The following LRRTM4 variants were observed in gnomAD, a reference collection of about 807,000 sequenced individuals.
LRRTM4 encodes leucine-rich repeat transmembrane neuronal protein 4.
LRRTM4 carries 25 observed loss-of-function variants against 47.6 expected under a neutral mutation model. The observed-to-expected ratio is 0.53, with a 90% CI of 0.38 to 0.73. LRRTM4 has a LOEUF of 0.73. Ranked by LOEUF, LRRTM4 falls within the 30% of genes least tolerant of loss-of-function variation. LRRTM4 has a pLI of 0.00. For synonymous variants in LRRTM4, 311 were observed against 269.5 expected (o/e 1.15, Z -1.51); for missense variants, 638 against 713.4 (o/e 0.89, Z 1.20).
intron 3 of LRRTM4, among the ~76,000 whole-genome samples, chr2:76,946,487 T>C (rs1675327508): frequency 6.6e-6 from 1 of 151,836 alleles, no homozygotes; most frequent in African/African-American, 2.4e-5. Context: ...TTGGAAATGA[T>C]GCTATAGACT....
intron 3 of LRRTM4, among the ~76,000 whole-genome samples, chr2:77,335,771 T>A (rs1038031117): frequency 6.6e-6 from 1 of 152,152 alleles, no homozygotes; most frequent in African/African-American, 2.4e-5. Context: ...AACAAAAATA[T>A]TTTGAATGCA....
intron 3 of LRRTM4, among the ~76,000 whole-genome samples, chr2:76,796,985 C>G (rs181042346): frequency 1.4e-4 from 22 of 152,192 alleles, no homozygotes; most frequent in Non-Finnish European, 2.9e-5. Flanking sequence ...AAATCTACAT[C>G]TGATTGGAGT....
chr2:77,029,948 A>C (rs1250342141), intron 3 of LRRTM4, among the ~76,000 whole-genome samples: 1 of 152,212 alleles, frequency 6.6e-6, no homozygotes, highest in Non-Finnish European at 1.5e-5. Context: ...AGAGGATTAA[A>C]ACAAATAATT....
chr2:77,041,351 A>G (rs540485481), intron 3 of LRRTM4, among the ~76,000 whole-genome samples: 17 of 151,576 alleles, frequency 1.1e-4, no homozygotes, highest in African/African-American at 4.1e-4. Flanking sequence ...GGTTGATTTC[A>G]TAAGTGAATA....
intron 3 of LRRTM4, among the ~76,000 whole-genome samples, chr2:76,843,318 C>T (rs1671742623): frequency 6.6e-6 from 1 of 152,002 alleles, no homozygotes; most frequent in South Asian, 2.1e-4. Context: ...AATGTATATT[C>T]CAAAAATATT....
At chr2:77,456,691 C>G (rs748697426) in intron 3 of LRRTM4, among the ~76,000 whole-genome samples, 133 of 152,146 alleles carry the variant, frequency 8.7e-4, no homozygotes, top group Non-Finnish European at 1.3e-3. Flanking sequence ...TCTTTCACCT[C>G]TCTACTCTTG....
At chr2:76,896,348 G>T (rs1321506782) in intron 3 of LRRTM4, among the ~76,000 whole-genome samples, 1 of 151,858 alleles carries the variant, frequency 6.6e-6, no homozygotes, top group Non-Finnish European at 1.5e-5. Context: ...GTAAAATAAG[G>T]TGAAAAAGTG....
intron 3 of LRRTM4, among the ~76,000 whole-genome samples, chr2:77,131,964 G>C (rs1428986563): frequency 6.6e-6 from 1 of 152,128 alleles, no homozygotes; most frequent in African/African-American, 2.4e-5. Context: ...AGAGTATTTA[G>C]GGTATCCATA....
chr2:77,323,092 C>T lies in LRRTM4; in HGVS notation c.1551+195226G>A, dbSNP rs60497069. Among the ~76,000 whole-genome samples the T allele has an allele frequency of 8.3e-4, 126 of 152,082 alleles. 1 individual carries two copies. Among genetic ancestry groups the T allele is most frequent in the Middle Eastern group, 3.4e-3 (1 of 294 alleles). ...AAAGATGTTGGCTCCTGGGGGGAAC[C>T]ATGATTATGATACACCTGGCTCTGT... On this transcript the variant is annotated intron_variant, in intron 3 of 3. Coordinates refer to ENST00000409884, the MANE Select transcript of LRRTM4 (RefSeq NM_001134745.3).
At chr2:77,418,830 C>G (rs775888870) in intron 3 of LRRTM4, among the ~76,000 whole-genome samples, 12 of 152,162 alleles carry the variant, frequency 7.9e-5, no homozygotes, top group Non-Finnish European at 1.6e-4. Flanking sequence ...CAATTTAAAC[C>G]AAGCCACATC....
chr2:77,067,044 T>G (rs1337444115), intron 3 of LRRTM4, among the ~76,000 whole-genome samples: 1 of 152,174 alleles, frequency 6.6e-6, no homozygotes, highest in East Asian at 1.9e-4. Context: ...TGACACTCCG[T>G]TAGAATTAAA....
intron 3 of LRRTM4, among the ~76,000 whole-genome samples, chr2:77,242,474 CA>C (rs1036928569): frequency 6.6e-6 from 1 of 151,922 alleles, no homozygotes; most frequent in Non-Finnish European, 1.5e-5. Context: ...AACTCAACCA[CA>C]AAAAATCTTA....
At chr2:77,075,914 CAAAAAAAAAAAA>C (rs61718845) in intron 3 of LRRTM4, among the ~76,000 whole-genome samples, 13 of 36,856 alleles carry the variant, frequency 3.5e-4, no homozygotes, top group East Asian at 1.1e-3. Context: ...GACTCCGTCT[CAAAAAAAAAAAA>C]AAAAAAAAAA....
intron 3 of LRRTM4, among the ~76,000 whole-genome samples, chr2:77,495,715 TTC>T (rs1321581515): frequency 3.3e-5 from 5 of 152,146 alleles, no homozygotes; most frequent in Admixed American, 1.3e-4. Flanking sequence ...TATTTTTGGA[TTC>T]TCTGTTTCAT....
At chr2:77,480,228 A>G (rs972807964) in intron 3 of LRRTM4, among the ~76,000 whole-genome samples, 5 of 130,104 alleles carry the variant, frequency 3.8e-5, no homozygotes, top group Middle Eastern at 3.8e-3. Flanking sequence ...TTCTACCTTA[A>G]AAAAAAAAAG....
intron 3 of LRRTM4, among the ~76,000 whole-genome samples, chr2:77,502,418 C>T (rs1386307979): frequency 3.3e-5 from 5 of 150,578 alleles, no homozygotes; most frequent in Admixed American, 6.6e-5. Flanking sequence ...AACTGTATAC[C>T]GTAAAGTTAA....
chr2:77,399,873 C>T (rs1041085917), intron 3 of LRRTM4, among the ~76,000 whole-genome samples: 2 of 151,832 alleles, frequency 1.3e-5, no homozygotes, highest in African/African-American at 4.8e-5. Flanking sequence ...CTCCTCACTT[C>T]GTTCACTTAG....
chr2:77,347,095 C>A (rs1197061178), intron 3 of LRRTM4, among the ~76,000 whole-genome samples: 1 of 152,128 alleles, frequency 6.6e-6, no homozygotes, highest in Admixed American at 6.6e-5. Flanking sequence ...TTCCTCAATT[C>A]TCTCTCTACT....
intron 3 of LRRTM4, among the ~76,000 whole-genome samples, chr2:77,330,178 G>A (rs1385775788): frequency 6.6e-6 from 1 of 152,102 alleles, no homozygotes; most frequent in African/African-American, 2.4e-5. Context: ...TTGAAGAGGA[G>A]TAATCTGGGG....
Sources: allele counts gnomAD v4.1 joint callset (sites outside exome capture counted in the v4.1 genomes callset), GRCh38; gene constraint gnomAD v4.1.1; transcripts MANE v1.5; gene names NCBI Gene and HGNC (gene_info 2026-07-23, HGNC 2026-07-21).